VCP: variants seen among roughly 807,000 people sequenced by gnomAD.
VCP encodes the protein transitional endoplasmic reticulum ATPase.
In VCP, 6 loss-of-function variants were observed where a neutral mutation model predicts 85.7. That is an observed-to-expected ratio of 0.07 (90% CI 0.04 to 0.14). The LOEUF is 0.14. Ranked by LOEUF, VCP falls within the 10% of genes least tolerant of loss-of-function variation. The probability of loss-of-function intolerance (pLI) is 1.00; values close to 1 mark genes in which losing one functional copy is unlikely to be tolerated. For synonymous variants in VCP, 384 were observed against 367.1 expected (o/e 1.05, Z -0.53); for missense variants, 353 against 1,043.4 (o/e 0.34, Z 9.12).
rs571224721 is a variant in VCP at position 35,060,026 on chromosome 9, G to T, written c.1696-225C>A. 4.5e-6 allele frequency: 3 copies of T among 667,304 alleles called. No individual in the cohort carries two copies. In the East Asian group the frequency reaches 8.2e-5, roughly 18 times the overall value. The allele number at this position is 667,304 out of a possible 1,614,324, so 41.3% of individuals were successfully genotyped here. A position where few individuals can be genotyped will look rare whatever the true frequency, so the allele number is the denominator to read the frequency against. On this transcript the variant is annotated intron_variant, in intron 13 of 16. Coordinates refer to ENST00000358901, the MANE Select transcript of VCP (RefSeq NM_007126.5). ...GCATGCCTATAGTCCCAGCTACTCA[G>T]GAGGCTGAAGTAGGAGAATTGCTTA...
intron 1 of VCP, chr9:35,071,974 G>A (rs1305106713): frequency 1.8e-6 from 2 of 1,086,422 alleles, no homozygotes; most frequent in African/African-American, 1.7e-5. Context: ...CCGGACGGCA[G>A]ACTGGCGCCC....
intron 5 of VCP, 38 bp downstream of exon 5, chr9:35,065,213 T>A: frequency 6.2e-7 from 1 of 1,613,630 alleles, no homozygotes; most frequent in South Asian, 1.1e-5. Context: ...CACTGAGTAA[T>A]CATAAAATCG....
At chr9:35,070,494 C>T (rs1457925130) in intron 1 of VCP, among the ~76,000 whole-genome samples, 1 of 152,138 alleles carries the variant, frequency 6.6e-6, no homozygotes, top group Non-Finnish European at 1.5e-5. Context: ...AGTGCAGTGG[C>T]GCGATCTCCC....
rs1005632165 is a variant in VCP, at chr9:35,072,430, G to A, written c.-77C>T. ...CGAGCGGTGGCAAGCGACCGACTGG[G>A]CCGGGGCTCGGCTCTTCCAGGCGGT... On this transcript the variant is annotated 5_prime_UTR_variant, in exon 1 of 17. Coordinates refer to ENST00000358901, the MANE Select transcript of VCP (RefSeq NM_007126.5). 2.2e-5 allele frequency: 31 copies of A among 1,419,272 alleles called. No individual in the cohort carries two copies. In the African/African-American group the frequency reaches 4.2e-4, roughly 19 times the overall value. The allele number at this position is 1,419,272 out of a possible 1,614,324, so 87.9% of individuals were successfully genotyped here.
At chr9:35,062,472 GCCTACTTCTCACATCCTCTA>G in intron 7 of VCP, 122 bp from the exon 8 acceptor site, 1 of 1,465,908 alleles carries the variant, frequency 6.8e-7, no homozygotes, top group South Asian at 1.2e-5. Flanking sequence ...GGTAACCTCT[GCCTACTTCTCACATCCTCTA>G]CCAGCCATTA....
intron 1 of VCP, 132 bp from the exon 2 acceptor site, chr9:35,068,494 G>C: frequency 1.2e-6 from 1 of 823,794 alleles, no homozygotes; most frequent in Non-Finnish European, 2.1e-6. Context: ...ATGAAGGAAA[G>C]GCAGCCAAGG....
intron 3 of VCP, among the ~76,000 whole-genome samples, chr9:35,067,557 T>A (rs1358077197): frequency 1.3e-5 from 2 of 152,086 alleles, no homozygotes; most frequent in Admixed American, 6.6e-5. Flanking sequence ...GTGAGGAGAT[T>A]ATTTGGCATA....
At chr9:35,065,120 A>G (rs1190530250) in intron 5 of VCP, 131 bp downstream of exon 5, 2 of 1,341,302 alleles carry the variant, frequency 1.5e-6, no homozygotes, top group East Asian at 2.3e-5. Flanking sequence ...TGCCCATCTC[A>G]GTCTCCCAAA....
intron 13 of VCP, 109 bp downstream of exon 13, chr9:35,060,204 T>G: frequency 8.8e-7 from 1 of 1,135,152 alleles, no homozygotes; most frequent in Non-Finnish European, 1.3e-6. Context: ...TGACTTACTG[T>G]GCAGTTGAGC....
intron 4 of VCP, among the ~76,000 whole-genome samples, chr9:35,066,146 T>C (rs1326108179): frequency 6.6e-6 from 1 of 150,424 alleles, no homozygotes; most frequent in African/African-American, 2.4e-5. Context: ...GAAAAGAAAA[T>C]GAGACTAGGC....
intron 15 of VCP, chr9:35,057,976 C>T: frequency 3.4e-6 from 1 of 293,682 alleles, no homozygotes; most frequent in South Asian, 3.2e-5. Flanking sequence ...GTGCTTACCA[C>T]ATTTGGATTA....
chr9:35,072,047 G>C (rs970354895), intron 1 of VCP: 3 of 1,244,100 alleles, frequency 2.4e-6, no homozygotes, highest in African/African-American at 3.2e-5. Context: ...CCAGACGTCC[G>C]TTCTAAGGGA....
chr9:35,066,859 G>A (rs375300874), intron 3 of VCP, 42 bp from the exon 4 acceptor site: 23 of 1,613,244 alleles, frequency 1.4e-5, no homozygotes, highest in African/African-American at 5.3e-5. Context: ...ACCACACTTC[G>A]GGCCCAAGCA....
At position 35,060,912 on chromosome 9, in the gene VCP, G is replaced by A. The variant is rs747614057; in HGVS notation, c.1371C>T (p.Ser457=). 19 of 1,614,168 alleles carry A rather than the reference G, an allele frequency of 1.2e-5. No homozygotes were observed. The highest frequency in any genetic ancestry group is 1.5e-5 in the Non-Finnish European group (18 of 1,180,028). The change falls in exon 12 of 17, where the codon AGC becomes AGT. Residue 457 remains serine (S), a synonymous_variant. Transcript: ENST00000358901. Reference sequence around the variant, plus strand: ...CCCGCAGTGCTGATGGGTTACTCTGGCTCAAGGCCCACTAGAAAAGGAGGG... The same window carrying A: ...CCCGCAGTGCTGATGGGTTACTCTGACTCAAGGCCCACTAGAAAAGGAGGG... ...VTMDDFRWAL[S]QSNPSALRET...
chr9:35,058,608 AT>A (rs1434638249), intron 15 of VCP, among the ~76,000 whole-genome samples: 2 of 152,158 alleles, frequency 1.3e-5, no homozygotes, highest in Non-Finnish European at 2.9e-5. Flanking sequence ...TAAAAAAAAA[AT>A]ACAAAAAACT....
intron 16 of VCP, 34 bp downstream of exon 16, chr9:35,057,342 C>CT: frequency 6.2e-7 from 1 of 1,614,214 alleles, no homozygotes; most frequent in Non-Finnish European, 8.5e-7. Context: ...CCCAAAGTAA[C>CT]TTAAGCACTG....
Position 35,057,395 on chromosome 9 carries a change from G to A in VCP, c.2296C>T (p.Arg766Trp), listed in dbSNP as rs1383633787. The change falls in exon 16 of 17, where the codon CGG (arginine) becomes TGG (tryptophan). Residue 766 changes from arginine to tryptophan, a missense_variant. Around this residue, in one of 8 missense-constraint regions of VCP, gnomAD observed 93 missense variants for 197.1 expected, o/e 0.47. Coordinates refer to ENST00000358901, the MANE Select transcript of VCP (RefSeq NM_007126.5). ...EMFAQTLQQS[R>W]GFGSFRFPSG... ...ACTTACCTGAAGCTGCCAAAGCCCC[G>A]ACTCTGCTGAAGGGTCTGGGCAAAC... 6.2e-7 allele frequency: 1 copy of A among 1,614,226 alleles called. No homozygotes were observed. Among genetic ancestry groups the A allele is most frequent in the Non-Finnish European group, 8.5e-7 (1 of 1,180,042 alleles).
chr9:35,065,892 G>A (rs929968252), intron 4 of VCP, among the ~76,000 whole-genome samples: 14 of 152,112 alleles, frequency 9.2e-5, no homozygotes, highest in East Asian at 1.9e-4. Context: ...TCTAGCGGCC[G>A]GGCACAGTGG....
chr9:35,066,088 T>A (rs1305848090), intron 4 of VCP, among the ~76,000 whole-genome samples: 1 of 150,186 alleles, frequency 6.7e-6, no homozygotes, highest in Non-Finnish European at 1.5e-5. Flanking sequence ...ATTGCACCAC[T>A]GCGCTCCAGC....
Sources: allele counts gnomAD v4.1 joint callset (sites outside exome capture counted in the v4.1 genomes callset), GRCh38; gene constraint gnomAD v4.1.1; regional missense constraint gnomAD v4.1.1; transcripts MANE v1.5; gene names NCBI Gene and HGNC (gene_info 2026-07-23, HGNC 2026-07-21).